The following ALK variants were observed in gnomAD, a reference collection of about 807,000 sequenced individuals.
The protein encoded by ALK is ALK receptor tyrosine kinase, also known as ALK tyrosine kinase receptor.
In ALK, 74 loss-of-function variants were observed where a neutral mutation model predicts 163.1. The ratio of observed to expected loss-of-function variants is 0.45; its 90% CI spans 0.38 to 0.55. The LOEUF is 0.55. ALK is among the 20% of genes least tolerant of loss of function. The probability of loss-of-function intolerance (pLI) is 0.00; values close to 1 mark genes in which losing one functional copy is unlikely to be tolerated. For synonymous variants in ALK, 960 were observed against 843.2 expected (o/e 1.14, Z -2.40); for missense variants, 2,063 against 2,105.3 (o/e 0.98, Z 0.39).
intron 1 of ALK, among the ~76,000 whole-genome samples, chr2:29,831,055 A>G (rs1220867476): frequency 0.016 from 449 of 28,682 alleles, 11 homozygotes; most frequent in African/African-American, 0.029. Flanking sequence ...GAAGGAGAAG[A>G]GGAAGGGGAG....
chr2:29,837,692 C>A (rs1665596354), intron 1 of ALK, among the ~76,000 whole-genome samples: 1 of 152,190 alleles, frequency 6.6e-6, no homozygotes. Context: ...AAGGACTAAA[C>A]TGATTCACAA....
intron 4 of ALK, among the ~76,000 whole-genome samples, chr2:29,415,062 T>A (rs1274541264): frequency 6.6e-6 from 1 of 151,130 alleles, no homozygotes; most frequent in African/African-American, 2.4e-5. Context: ...CACACACATG[T>A]ATACACACAC....
At chr2:29,561,835 GT>G (rs1674032092) in intron 3 of ALK, among the ~76,000 whole-genome samples, 1 of 152,160 alleles carries the variant, frequency 6.6e-6, no homozygotes, top group Admixed American at 6.5e-5. Context: ...GGCATGGGGG[GT>G]AGTGGTGGTG....
intron 3 of ALK, among the ~76,000 whole-genome samples, chr2:29,597,065 GA>G (rs1434861519): frequency 6.6e-6 from 1 of 152,154 alleles, no homozygotes; most frequent in Non-Finnish European, 1.5e-5. Context: ...CCCCCACTTT[GA>G]AACAGACACA....
At chr2:29,666,719 A>G (rs1375963689) in intron 3 of ALK, among the ~76,000 whole-genome samples, 2 of 152,150 alleles carry the variant, frequency 1.3e-5, no homozygotes, top group Non-Finnish European at 2.9e-5. Context: ...TTTAAAAAAA[A>G]TTAAGGTAAA....
At chr2:29,815,269 C>A in intron 1 of ALK, among the ~76,000 whole-genome samples, 1 of 151,340 alleles carries the variant, frequency 6.6e-6, no homozygotes, top group African/African-American at 2.4e-5. Flanking sequence ...GGACAGCAGT[C>A]GAAGTTTGGA....
At chr2:29,717,182 A>AAAG (rs1679285118) in intron 2 of ALK, among the ~76,000 whole-genome samples, 1 of 148,500 alleles carries the variant, frequency 6.7e-6, no homozygotes, top group African/African-American at 2.5e-5. Context: ...AAAAAAAAAA[A>AAAG]AAAAAAAAGA....
At position 29,490,094 on chromosome 2, in the gene ALK, G is replaced by T. The variant is rs80198051; in HGVS notation, c.1154+41821C>A. ...CTAGGTATCATCCCTGGGGACAAGG[G>T]ACAAAGGATTAGAGCTGGCTAGGCA... On this transcript the variant is annotated intron_variant, in intron 4 of 28. Transcript: ENST00000389048. Among the ~76,000 whole-genome samples the T allele has an allele frequency of 1.4e-4, 21 of 152,356 alleles. 1 individual carries two copies. In the East Asian group the frequency reaches 3.9e-3, roughly 28 times the overall value.
intron 1 of ALK, among the ~76,000 whole-genome samples, chr2:29,766,194 T>C (rs773712360): frequency 6.6e-6 from 1 of 152,216 alleles, no homozygotes; most frequent in East Asian, 1.9e-4. Context: ...TACAAACAGA[T>C]CTGTGTGGAC....
chr2:29,439,851 T>C (rs1239657874), intron 4 of ALK, among the ~76,000 whole-genome samples: 5 of 152,082 alleles, frequency 3.3e-5, no homozygotes, highest in Admixed American at 3.3e-4. Flanking sequence ...AGAGAGAACA[T>C]GGCCTGGCTG....
rs1214742606 is a variant in ALK, at chr2:29,882,929, G to A, written c.667+37064C>T. ...AACTGATCATCATGTATTTTTATTT[G>A]CTAAAGCTGGTCACTCTACCTATTA... On this transcript the variant is annotated intron_variant, in intron 1 of 28. Coordinates refer to ENST00000389048, the MANE Select transcript of ALK (RefSeq NM_004304.5). 2.0e-5 allele frequency among the ~76,000 whole-genome samples: 3 copies of A among 152,152 alleles called. No homozygotes were observed. In the East Asian group the frequency reaches 5.8e-4, roughly 29 times the overall value.
At chr2:29,881,959 G>A (rs984723176) in intron 1 of ALK, among the ~76,000 whole-genome samples, 3 of 152,156 alleles carry the variant, frequency 2.0e-5, no homozygotes, top group Non-Finnish European at 2.9e-5. Context: ...GCAGAATGGG[G>A]TGTGACTTTT....
chr2:29,892,919 T>G (rs1667180802), intron 1 of ALK, among the ~76,000 whole-genome samples: 1 of 152,206 alleles, frequency 6.6e-6, no homozygotes, highest in Non-Finnish European at 1.5e-5. Flanking sequence ...TGCTGAATTT[T>G]GAGCCTTTCC....
chr2:29,870,758 C>G (rs1282876127), intron 1 of ALK, among the ~76,000 whole-genome samples: 1 of 152,150 alleles, frequency 6.6e-6, no homozygotes, highest in African/African-American at 2.4e-5. Flanking sequence ...TGTTGGTTAT[C>G]TTAGGGATTA....
intron 3 of ALK, among the ~76,000 whole-genome samples, chr2:29,577,828 C>A (rs897451379): frequency 2.0e-5 from 3 of 152,208 alleles, no homozygotes; most frequent in Non-Finnish European, 4.4e-5. Context: ...TAAATGGACA[C>A]TATAAGCCAA....
At chr2:29,296,741 GCA>G in intron 9 of ALK, 145 bp downstream of exon 9, 19 of 813,170 alleles carry the variant, frequency 2.3e-5, no homozygotes, top group African/African-American at 5.0e-5. Context: ...GTGTGTGTGT[GCA>G]CGTGCGTGCA....
chr2:29,490,194 C>A (rs1573397093), intron 4 of ALK, among the ~76,000 whole-genome samples: 1 of 152,200 alleles, frequency 6.6e-6, no homozygotes, highest in South Asian at 2.1e-4. Context: ...AGAGCTGGAG[C>A]TAGAGATAGG....
chr2:29,610,054 G>A (rs1006766077), intron 3 of ALK, among the ~76,000 whole-genome samples: 9 of 152,124 alleles, frequency 5.9e-5, no homozygotes, highest in South Asian at 2.1e-4. Context: ...AAATCTCATC[G>A]TTCACTTAAT....
rs200585833 is a variant in ALK, at chr2:29,220,752, G to C, written c.3599C>G (p.Ala1200Gly). The C allele has an allele frequency of 1.9e-6, 3 of 1,613,856 alleles. No individual in the cohort carries two copies. The highest frequency in any genetic ancestry group is 3.3e-5 in the Admixed American group (2 of 59,990). Reference sequence around the variant, plus strand: ...GAGGAAGGACTTGAGGTCTCCCCCCGCCATGAGCTCCAGCAGGATGAACCG... The same window carrying C: ...GAGGAAGGACTTGAGGTCTCCCCCCCCCATGAGCTCCAGCAGGATGAACCG... ...LPRFILLELM[A>G]GGDLKSFLRE... is the part of the protein sequence containing the mutation. The change falls in exon 23 of 29, where the codon GCG becomes GGG. Residue 1200 changes from alanine to glycine, a missense_variant. This residue lies in a region of ALK where 575 missense variants were observed against 626.6 expected (regional missense o/e 0.92). Transcript: ENST00000389048.
Sources: allele counts gnomAD v4.1 joint callset (sites outside exome capture counted in the v4.1 genomes callset), GRCh38; gene constraint gnomAD v4.1.1; regional missense constraint gnomAD v4.1.1; transcripts MANE v1.5; gene names NCBI Gene and HGNC (gene_info 2026-07-23, HGNC 2026-07-21).